The following FSTL4 variants were observed in gnomAD, a reference collection of about 807,000 sequenced individuals.
FSTL4 encodes the protein follistatin-related protein 4.
In FSTL4, 28 loss-of-function variants were observed where a neutral mutation model predicts 78.2. That is an observed-to-expected ratio of 0.36 (90% CI 0.27 to 0.49). FSTL4 has a LOEUF of 0.49. FSTL4 is among the 20% of genes least tolerant of loss of function. The pLI is 0.98. For synonymous variants in FSTL4, 422 were observed against 440.5 expected (o/e 0.96, Z 0.53); for missense variants, 922 against 1,084.9 (o/e 0.85, Z 2.11).
chr5:133,684,231 G>T, the FSTL4 span, among the ~76,000 whole-genome samples: 17 of 152,160 alleles, frequency 1.1e-4, no homozygotes, highest in Non-Finnish European at 1.8e-4. Context: ...AAGATAGCAG[G>T]CGGGGATGCT....
chr5:133,798,272 T>C, the FSTL4 span, among the ~76,000 whole-genome samples: 1 of 152,208 alleles, frequency 6.6e-6, no homozygotes, highest in South Asian at 2.1e-4. Context: ...AGATGGGTTC[T>C]AGAGGTTTGG....
intron 3 of FSTL4, among the ~76,000 whole-genome samples, chr5:133,429,920 C>G (rs1756900218): frequency 6.6e-6 from 1 of 152,174 alleles, no homozygotes; most frequent in South Asian, 2.1e-4. Flanking sequence ...TTCACATATT[C>G]TTGTTTTCGC....
chr5:133,488,052 G>T (rs1019960614), intron 3 of FSTL4, among the ~76,000 whole-genome samples: 1 of 152,178 alleles, frequency 6.6e-6, no homozygotes, highest in Non-Finnish European at 1.5e-5. Context: ...CTAATACAAA[G>T]ATAGTGAAGG....
At chr5:133,685,607 C>T in the FSTL4 span, among the ~76,000 whole-genome samples, 4 of 152,356 alleles carry the variant, frequency 2.6e-5, no homozygotes, top group African/African-American at 7.2e-5. Context: ...CTAGCACCTC[C>T]GCAGGCCCCA....
At chr5:133,240,444 C>T (rs1043683200) in intron 7 of FSTL4, among the ~76,000 whole-genome samples, 7 of 152,206 alleles carry the variant, frequency 4.6e-5, no homozygotes, top group Non-Finnish European at 1.0e-4. Context: ...TGGGCAGCTG[C>T]ATTCAGTGTG....
At chr5:133,391,383 T>C (rs1016050114) in intron 4 of FSTL4, among the ~76,000 whole-genome samples, 1 of 152,158 alleles carries the variant, frequency 6.6e-6, no homozygotes, top group Non-Finnish European at 1.5e-5. Context: ...CACATGGATC[T>C]GAGCACCTGA....
chr5:133,783,989 G>A, the FSTL4 span, among the ~76,000 whole-genome samples: 15 of 151,820 alleles, frequency 9.9e-5, no homozygotes, highest in Non-Finnish European at 1.9e-4. Flanking sequence ...ATACTGCCTG[G>A]TTCAAACCCT....
intron 3 of FSTL4, among the ~76,000 whole-genome samples, chr5:133,531,275 C>A (rs1461728885): frequency 6.6e-6 from 1 of 152,130 alleles, no homozygotes; most frequent in Non-Finnish European, 1.5e-5. Flanking sequence ...CTGACCCCGT[C>A]CCCCAGTGGT....
intron 4 of FSTL4, among the ~76,000 whole-genome samples, chr5:133,396,350 T>C (rs1756046405): frequency 6.6e-6 from 1 of 152,216 alleles, no homozygotes; most frequent in Admixed American, 6.5e-5. Flanking sequence ...ATGAAGTAAA[T>C]GAGGCACAGA....
chr5:133,815,300 A>C, the FSTL4 span, among the ~76,000 whole-genome samples: 1 of 152,176 alleles, frequency 6.6e-6, no homozygotes. Flanking sequence ...AATCTTAGAT[A>C]AGAGAATTAT....
intron 3 of FSTL4, chr5:133,427,450 A>G (rs764648469): frequency 8.7e-6 from 3 of 346,698 alleles, no homozygotes; most frequent in Admixed American, 2.8e-5. Context: ...CCTTCTCCAG[A>G]CCTCCCAAGC....
At chr5:133,783,705 C>T in the FSTL4 span, among the ~76,000 whole-genome samples, 1 of 152,214 alleles carries the variant, frequency 6.6e-6, no homozygotes, top group African/African-American at 2.4e-5. Flanking sequence ...TGTGCTGCCC[C>T]GTCATTTCCA....
the FSTL4 span, among the ~76,000 whole-genome samples, chr5:133,631,756 C>CATCA: frequency 1.3e-5 from 2 of 152,186 alleles, no homozygotes; most frequent in Non-Finnish European, 2.9e-5. Context: ...CCCAAATGCC[C>CATCA]ATCAATGATG....
the FSTL4 span, among the ~76,000 whole-genome samples, chr5:133,623,594 G>T: frequency 1.3e-4 from 19 of 151,960 alleles, no homozygotes; most frequent in Admixed American, 3.3e-4. Flanking sequence ...ATTTGGCAAT[G>T]TATCCTTAGA....
intron 3 of FSTL4, among the ~76,000 whole-genome samples, chr5:133,499,665 A>T (rs1478767384): frequency 6.6e-6 from 1 of 152,194 alleles, no homozygotes; most frequent in Non-Finnish European, 1.5e-5. Flanking sequence ...GTGACTGAGC[A>T]CAGGCTCAAC....
chr5:133,446,523 T>A (rs1258192422), intron 3 of FSTL4, among the ~76,000 whole-genome samples: 1 of 152,170 alleles, frequency 6.6e-6, no homozygotes. Flanking sequence ...TGCTCCCAAC[T>A]TGCTGACACT....
intron 3 of FSTL4, among the ~76,000 whole-genome samples, chr5:133,402,472 T>C (rs1756252939): frequency 1.3e-5 from 2 of 152,200 alleles, no homozygotes; most frequent in African/African-American, 4.8e-5. Context: ...AAGACTTTGC[T>C]TTAAGTGTTA....
At chr5:133,483,667 A>G (rs946428167) in intron 3 of FSTL4, among the ~76,000 whole-genome samples, 3 of 152,188 alleles carry the variant, frequency 2.0e-5, no homozygotes, top group African/African-American at 4.8e-5. Context: ...GCTTCTCATG[A>G]TAAGTCTTTG....
At chr5:133,718,956 T>C in the FSTL4 span, among the ~76,000 whole-genome samples, 1 of 152,208 alleles carries the variant, frequency 6.6e-6, no homozygotes, top group Non-Finnish European at 1.5e-5. Context: ...GTTCAAAATA[T>C]ATAAATAAAA....
Sources: gnomAD v4.1 joint callset for allele counts (sites outside exome capture counted in the v4.1 genomes callset) on GRCh38, gnomAD v4.1.1 for gene constraint, MANE v1.5 for transcripts, NCBI Gene and HGNC (gene_info 2026-07-23, HGNC 2026-07-21) for gene names.